PARVB: variants seen among roughly 807,000 people sequenced by gnomAD.
PARVB encodes the protein parvin beta, also known as beta-parvin.
In PARVB, 46 loss-of-function variants were observed where a neutral mutation model predicts 47.0. The observed-to-expected ratio is 0.98, with a 90% confidence interval of 0.77 to 1.25. The LOEUF (loss-of-function observed/expected upper bound fraction) is 1.25. Ranked by LOEUF, PARVB falls within the 50% of genes most tolerant of loss-of-function variation. The pLI is 0.00. For synonymous variants in PARVB, 196 were observed against 196.3 expected, an observed-to-expected ratio of 1.00 and a Z score of 0.01; for missense variants, 473 against 471.6, an observed-to-expected ratio of 1.00 and a Z score of -0.03.
At chr22:44,131,722 C>A in intron 5 of PARVB, 95 bp downstream of exon 5, 2 of 1,362,186 alleles carry the variant, frequency 1.5e-6, no homozygotes, top group East Asian at 2.4e-5. Flanking sequence ...CATCATCATC[C>A]CATCTGGCCT....
chr22:44,119,545 A>G (rs555380547), intron 4 of PARVB, among the ~76,000 whole-genome samples: 7 of 152,210 alleles, frequency 4.6e-5, no homozygotes, highest in Non-Finnish European at 5.9e-5. Context: ...ATGATAGCTC[A>G]TGTTCCCTCA....
At chr22:44,134,118 C>T (rs1373160407) in intron 6 of PARVB, among the ~76,000 whole-genome samples, 1 of 152,098 alleles carries the variant, frequency 6.6e-6, no homozygotes, top group East Asian at 1.9e-4. Flanking sequence ...TCTCTGTGGT[C>T]GGGGAGGACC....
intron 1 of PARVB, among the ~76,000 whole-genome samples, chr22:44,046,222 C>T: frequency 6.6e-6 from 1 of 152,204 alleles, no homozygotes; most frequent in East Asian, 1.9e-4. Context: ...AGCCCAGCTG[C>T]AGCCTTGTCT....
At chr22:44,111,630 T>A (rs3788606) in intron 3 of PARVB, 47,125 of 150,684 alleles carry the variant, frequency 0.31, 7,524 homozygotes, top group Middle Eastern at 0.5. Context: ...ATTTTTTTTG[T>A]AGAGATGGGG....
intron 1 of PARVB, among the ~76,000 whole-genome samples, chr22:44,061,792 T>A (rs1205346861): frequency 2.6e-5 from 4 of 151,870 alleles, no homozygotes; most frequent in Admixed American, 2.0e-4. Flanking sequence ...AATTTTTGTA[T>A]CTTTAGTAGA....
At chr22:44,140,445 G>A (rs566140167) in intron 8 of PARVB, 3 of 692,770 alleles carry the variant, frequency 4.3e-6, no homozygotes, top group South Asian at 2.7e-5. Context: ...TCAGGGGCTG[G>A]AGCAAGAGTG....
chr22:44,108,879 G>T (rs986171463), intron 3 of PARVB: 1 of 152,138 alleles, frequency 6.6e-6, no homozygotes, highest in Non-Finnish European at 1.5e-5. Flanking sequence ...CACAGGGGAT[G>T]CGATGGCCTG....
Position 44,089,294 on chromosome 22 carries a change from A to G in PARVB, c.113-4634A>G, listed in dbSNP as rs2052106108. Reference sequence around the variant, plus strand: ...ACATTCATCTTAGAACAATGCAGACACTTAGGAAAACAAGCACAAGGCGGT... The same window carrying G: ...ACATTCATCTTAGAACAATGCAGACGCTTAGGAAAACAAGCACAAGGCGGT... On this transcript the variant is annotated intron_variant, in intron 1 of 12. Transcript: ENST00000338758. The surrounding 1 kb of genome is among the most constrained non-coding windows in gnomAD (Gnocchi z 4.0). 6.6e-6 allele frequency: 1 copy of G among 152,240 alleles called. No individual in the cohort carries two copies. 9.4% of individuals were successfully genotyped at this position (152,240 alleles called of 1,614,324 possible). A position where few individuals can be genotyped will look rare whatever the true frequency, so the allele number is the denominator to read the frequency against.
At chr22:44,032,950 C>G (rs1261832439) in intron 1 of PARVB, among the ~76,000 whole-genome samples, 1 of 152,228 alleles carries the variant, frequency 6.6e-6, no homozygotes, top group Non-Finnish European at 1.5e-5. Context: ...GCACTGGCTG[C>G]TTTATTCCCA....
At chr22:44,008,604 A>G (rs16991328) in intron 2 of PARVB, among the ~76,000 whole-genome samples, 5,052 of 152,270 alleles carry the variant, frequency 0.033, 197 homozygotes, top group East Asian at 0.22. Flanking sequence ...AGACTGTATT[A>G]GAGATAGATG....
At chr22:44,107,422 C>G (rs557268337) in intron 3 of PARVB, 1 of 152,342 alleles carries the variant, frequency 6.6e-6, no homozygotes, top group South Asian at 2.1e-4. Context: ...AAACCTAGAC[C>G]TGGCCTTAGC....
At chr22:44,034,612 T>C (rs920626193) in intron 1 of PARVB, among the ~76,000 whole-genome samples, 1 of 152,034 alleles carries the variant, frequency 6.6e-6, no homozygotes, top group African/African-American at 2.4e-5. Flanking sequence ...TCCCTGTCTT[T>C]TTTCTTTTTG....
In PARVB at chr22:44,123,441, T is replaced by A. The variant is rs377066655; in HGVS notation, c.376+4301T>A. ...AGCTGCTTTTCTTTTCAAGACAGGG[T>A]CTCACTCCATTGGCTGGCCTGGAGT... is the stretch of plus-strand genomic sequence containing the variant. On this transcript the variant is annotated intron_variant, in intron 4 of 12. Transcript: ENST00000338758. Among the ~76,000 whole-genome samples, 20 of 152,246 alleles carry A rather than the reference T, an allele frequency of 1.3e-4. No individual in the cohort carries two copies. In the East Asian group the frequency reaches 3.3e-3, roughly 25 times the overall value.
chr22:44,140,772 G>A (rs2053535806), intron 8 of PARVB: 1 of 335,212 alleles, frequency 3.0e-6, no homozygotes, highest in Non-Finnish European at 6.0e-6. Flanking sequence ...AGCCCTCTAT[G>A]TGGGCTGGTT....
At chr22:44,131,445 C>G (rs770044153) in intron 4 of PARVB, 42 bp from the exon 5 acceptor site, 1 of 1,604,998 alleles carries the variant, frequency 6.2e-7, no homozygotes, top group Non-Finnish European at 8.5e-7. Context: ...CCTGGCCCTT[C>G]CAGCTTTTTC....
At chr22:44,073,665 C>T (rs934071193) in intron 1 of PARVB, among the ~76,000 whole-genome samples, 7 of 152,166 alleles carry the variant, frequency 4.6e-5, no homozygotes, top group Non-Finnish European at 7.4e-5. Flanking sequence ...CGCTTGCCCC[C>T]CTTTGAATTT....
In PARVB at chr22:44,083,842, C is replaced by T. The variant is rs75975722; in HGVS notation, c.113-10086C>T. Among the ~76,000 whole-genome samples the T allele has an allele frequency of 3.9e-3, 594 of 152,200 alleles. 12 individuals are homozygous for T. Among genetic ancestry groups the T allele is most frequent in the Admixed American group, 0.027 (419 of 15,278 alleles). Reference sequence around the variant, plus strand: ...TGCAGCAGGGAGTGACCAACGCCAGCTTTGTGTATTGGAAGGATTTCTACA... The same window carrying T: ...TGCAGCAGGGAGTGACCAACGCCAGTTTTGTGTATTGGAAGGATTTCTACA... On this transcript the variant is annotated intron_variant, in intron 1 of 12. Transcript: ENST00000338758.
At chr22:44,109,605 A>G (rs1338072632) in intron 3 of PARVB, 3 of 152,122 alleles carry the variant, frequency 2.0e-5, no homozygotes, top group Non-Finnish European at 4.4e-5. Context: ...TGGCAGTGGA[A>G]CTGGGCCGTG....
At chr22:44,062,580 T>G (rs1313263636) in intron 1 of PARVB, among the ~76,000 whole-genome samples, 1 of 150,504 alleles carries the variant, frequency 6.6e-6, no homozygotes, top group Non-Finnish European at 1.5e-5. Flanking sequence ...GTGATTGCAG[T>G]GAGCTGAGAT....
Sources: allele counts gnomAD v4.1 joint callset (sites outside exome capture counted in the v4.1 genomes callset), GRCh38; gene constraint gnomAD v4.1.1; non-coding constraint Gnocchi (gnomAD v3.1); transcripts MANE v1.5; gene names NCBI Gene and HGNC (gene_info 2026-07-23, HGNC 2026-07-21).